Variants in MATR3 observed in about 807,000 individuals in gnomAD.
MATR3 encodes matrin 3, also known as matrin-3.
A neutral mutation model predicts 85.5 loss-of-function variants in MATR3; 4 were observed. The ratio of observed to expected loss-of-function variants is 0.05; its 90% CI spans 0.02 to 0.11. MATR3 has a LOEUF of 0.11. MATR3 is among the 10% of genes least tolerant of loss of function. MATR3 has a pLI of 1.00. For synonymous variants in MATR3, 336 were observed against 343.1 expected (o/e 0.98, Z 0.23); for missense variants, 685 against 1,016.1 (o/e 0.67, Z 4.43).
intron 6 of MATR3, 80 bp downstream of exon 6, chr5:139,317,185 A>G (rs1249039878): frequency 5.2e-6 from 7 of 1,341,754 alleles, no homozygotes; most frequent in Non-Finnish European, 7.5e-6. Flanking sequence ...CTAGTTGAGT[A>G]TGTATCGTGG....
rs1320834029 is a variant in MATR3, at chr5:139,330,871, A to C, written c.*1476A>C. The stretch of plus-strand genomic sequence containing the variant: ...GGAGTGCAGTGGCACAGTTCTCTGC[A>C]ACCTCAGCCTTTGGGCTCAAATGAC... On this transcript the variant is annotated 3_prime_UTR_variant, in exon 15 of 15. Transcript: ENST00000394805. The C allele has an allele frequency of 4.4e-6, 2 of 453,748 alleles. No individual in the cohort carries two copies. Among genetic ancestry groups the C allele is most frequent in the Non-Finnish European group, 8.8e-6 (2 of 226,704 alleles). The allele number at this position is 453,748 out of a possible 1,614,324, so 28.1% of individuals were successfully genotyped here.
At chr5:139,293,879 C>G (rs952082535) in intron 1 of MATR3, 74 bp downstream of exon 1, 1 of 826,396 alleles carries the variant, frequency 1.2e-6, no homozygotes, top group African/African-American at 1.8e-5. Flanking sequence ...GGGACAACGA[C>G]GGCGACAGGG....
chr5:139,318,012 T>G (rs1245363002), intron 7 of MATR3, among the ~76,000 whole-genome samples: 2 of 152,156 alleles, frequency 1.3e-5, no homozygotes, highest in Non-Finnish European at 2.9e-5. Context: ...AAAATGATGG[T>G]TTCAAGTCAT....
Position 139,295,496 on chromosome 5 carries a change from A to G in MATR3, c.-178+1691A>G, listed in dbSNP as rs758926632. 3.3e-5 allele frequency among the ~76,000 whole-genome samples: 5 copies of G among 152,188 alleles called. 1 individual carries two copies. Among genetic ancestry groups the G allele is most frequent in the Non-Finnish European group, 7.4e-5 (5 of 68,018 alleles). ...ACTTTACCCAGAGAAGTTTCGCTTT[A>G]TCATCTTTATATATTTTTCAGCCGT... On this transcript the variant is annotated intron_variant, in intron 1 of 14. Coordinates refer to ENST00000394805, the MANE Select transcript of MATR3 (RefSeq NM_018834.6).
chr5:139,281,124 C>T (rs1369983360), intron 3 of MATR3, among the ~76,000 whole-genome samples: 1 of 152,002 alleles, frequency 6.6e-6, no homozygotes, highest in Non-Finnish European at 1.5e-5. Context: ...AAACCTCCTG[C>T]CTCAGCCTCC....
At chr5:139,304,687 T>A (rs1452559608) in intron 1 of MATR3, among the ~76,000 whole-genome samples, 1 of 152,196 alleles carries the variant, frequency 6.6e-6, no homozygotes, top group East Asian at 1.9e-4. Context: ...TGGATTTTGA[T>A]AATAAATGTT....
At position 139,322,820 on chromosome 5, in the gene MATR3, A is replaced by G. The variant is rs1331115696; in HGVS notation, c.2001A>G (p.Ala667=). The G allele has an allele frequency of 1.7e-5, 27 of 1,614,126 alleles. No homozygotes were observed. The highest frequency in any genetic ancestry group is 2.2e-5 in the Non-Finnish European group (26 of 1,180,050). ...ELLVDEEEAA[A]LLESGSSVGD... is the part of the protein sequence containing the mutation. Reference sequence around the variant, plus strand: ...TTGTAGATGAAGAAGAAGCAGCAGCACTGCTAGAAAGTGGCAGTTCAGTGG... The same window carrying G: ...TTGTAGATGAAGAAGAAGCAGCAGCGCTGCTAGAAAGTGGCAGTTCAGTGG... The change falls in exon 12 of 15, where the codon GCA becomes GCG. Residue 667 remains alanine (A), a synonymous_variant. Coordinates refer to ENST00000394805, the MANE Select transcript of MATR3 (RefSeq NM_018834.6).
intron 7 of MATR3, 100 bp from the exon 8 acceptor site, chr5:139,318,808 A>C: frequency 9.3e-7 from 1 of 1,070,828 alleles, no homozygotes; most frequent in Non-Finnish European, 1.4e-6. Flanking sequence ...ATATCTGAAA[A>C]GATTTGGGGC....
rs965380295 is a variant in MATR3 at position 139,331,122 on chromosome 5, A to G, written c.*1727A>G. On this transcript the variant is annotated 3_prime_UTR_variant, in exon 15 of 15. Coordinates refer to ENST00000394805, the MANE Select transcript of MATR3 (RefSeq NM_018834.6). ...CAAAGTTTTAATTTCAAAAAAATCT[A>G]CAAAAACAGGATAGGCATTGTCTTT... The G allele has an allele frequency of 6.6e-6, 3 of 453,996 alleles. No individual in the cohort carries two copies. Among genetic ancestry groups the G allele is most frequent in the South Asian group, 3.1e-5 (2 of 64,478 alleles). The allele number at this position is 453,996 out of a possible 1,614,324, so 28.1% of individuals were successfully genotyped here. A position where few individuals can be genotyped will look rare whatever the true frequency, so the allele number is the denominator to read the frequency against.
At chr5:139,297,072 G>T (rs954375153) in intron 1 of MATR3, among the ~76,000 whole-genome samples, 1 of 152,220 alleles carries the variant, frequency 6.6e-6, no homozygotes, top group African/African-American at 2.4e-5. Context: ...AGCTACTTGG[G>T]AGGGTGAGGG....
intron 3 of MATR3, among the ~76,000 whole-genome samples, chr5:139,281,360 T>G (rs1162787671): frequency 3.4e-5 from 5 of 146,804 alleles, no homozygotes; most frequent in Admixed American, 2.0e-4. Flanking sequence ...TTTTTTGTTT[T>G]TTTTTTTTTT....
At position 139,302,223 on chromosome 5, in the gene MATR3, A is replaced by T. The variant is rs1754483066; in HGVS notation, c.-177-5016A>T. Among the ~76,000 whole-genome samples, 3 of 152,264 alleles carry T rather than the reference A, an allele frequency of 2.0e-5. No individual in the cohort carries two copies. The South Asian group carries it at 6.2e-4, about 32-fold the overall frequency. On this transcript the variant is annotated intron_variant, in intron 1 of 14. Coordinates refer to ENST00000394805, the MANE Select transcript of MATR3 (RefSeq NM_018834.6). ...GGTAATCTGCCCGCCTCGGCCTCCC[A>T]AAGTGCAGGATTACAGGTGTGAGCC...
intron 1 of MATR3, among the ~76,000 whole-genome samples, chr5:139,275,616 C>T (rs1753247672): frequency 6.6e-6 from 1 of 152,150 alleles, no homozygotes; most frequent in Non-Finnish European, 1.5e-5. Context: ...TTAAGCCTCC[C>T]AACCACCCTA....
At chr5:139,317,161 G>C in intron 6 of MATR3, 56 bp downstream of exon 6, 1 of 1,525,910 alleles carries the variant, frequency 6.6e-7, no homozygotes, top group South Asian at 1.1e-5. Context: ...AATATGATTT[G>C]ACCTAAATCC....
intron 3 of MATR3, among the ~76,000 whole-genome samples, chr5:139,281,575 A>G (rs1753527547): frequency 6.7e-6 from 1 of 150,248 alleles, no homozygotes; most frequent in Non-Finnish European, 1.5e-5. Flanking sequence ...CTGGTCTCAA[A>G]CTCCTTACCT....
Position 139,307,104 on chromosome 5 carries a change from T to TGTAATAAATTCCTTGTAA in MATR3, c.-177-132_-177-115dup, listed in dbSNP as rs1754750953. On this transcript the variant is annotated intron_variant, in intron 1 of 14. Coordinates refer to ENST00000394805, the MANE Select transcript of MATR3 (RefSeq NM_018834.6). This position sits in a 1 kb window ranked among gnomAD's most constrained non-coding sequence, Gnocchi z 4.4. The stretch of plus-strand genomic sequence containing the variant: ...ATACATCAGGAATCTGTTTAAGATA[T>TGTAATAAATTCCTTGTAA]GTAATAAATTCCTTGTAAGTTTGAG... 1 of 439,724 alleles carries TGTAATAAATTCCTTGTAA rather than the reference T, an allele frequency of 2.3e-6. No homozygotes were observed. Among genetic ancestry groups the TGTAATAAATTCCTTGTAA allele is most frequent in the Non-Finnish European group, 3.2e-6 (1 of 308,950 alleles). 27.2% of individuals were successfully genotyped at this position (439,724 alleles called of 1,614,324 possible). A position where few individuals can be genotyped will look rare whatever the true frequency, so the allele number is the denominator to read the frequency against.
At chr5:139,326,010 G>A (rs998713596) in intron 13 of MATR3, among the ~76,000 whole-genome samples, 153 bp from the exon 14 acceptor site, 2 of 152,102 alleles carry the variant, frequency 1.3e-5, no homozygotes, top group Non-Finnish European at 2.9e-5. Context: ...TTAGGTAAAA[G>A]CAAAATATGG....
rs1216737325 is a variant in MATR3, at chr5:139,329,914, A to G, written c.*519A>G. On this transcript the variant is annotated 3_prime_UTR_variant, in exon 15 of 15. Transcript: ENST00000394805. ...AACGTGAGATTGGCAATTGAAATGCAGGTGCAGTTTTCTGTTAATGTCATG... is the reference window on the plus strand; with the variant it reads ...AACGTGAGATTGGCAATTGAAATGCGGGTGCAGTTTTCTGTTAATGTCATG... The G allele has an allele frequency of 1.5e-5, 7 of 454,438 alleles. No homozygotes were observed. Among genetic ancestry groups the G allele is most frequent in the Admixed American group, 2.4e-5 (1 of 42,552 alleles). The allele number at this position is 454,438 out of a possible 1,614,324, so 28.2% of individuals were successfully genotyped here.
chr5:139,304,500 G>GAA (rs781328136), intron 1 of MATR3, among the ~76,000 whole-genome samples: 183 of 117,820 alleles, frequency 1.6e-3, no homozygotes, highest in African/African-American at 5.1e-3. Context: ...AACTCCATCT[G>GAA]AAAAAAAAAA....
Sources: gnomAD v4.1 joint callset for allele counts (sites outside exome capture counted in the v4.1 genomes callset) on GRCh38, gnomAD v4.1.1 for gene constraint, Gnocchi (gnomAD v3.1) non-coding constraint, MANE v1.5 for transcripts, NCBI Gene and HGNC (gene_info 2026-07-23, HGNC 2026-07-21) for gene names.